The following BRD2 variants were observed in gnomAD, a reference collection of about 807,000 sequenced individuals.
BRD2 encodes bromodomain-containing protein 2.
A neutral mutation model predicts 79.1 loss-of-function variants in BRD2; 15 were observed. That is an observed-to-expected ratio of 0.19 (90% CI 0.13 to 0.29). The LOEUF is 0.29. BRD2 is among the 10% of genes least tolerant of loss of function. The pLI is 1.00. For synonymous variants in BRD2, 488 were observed against 358.6 expected, an observed-to-expected ratio of 1.36 and a Z score of -4.08; for missense variants, 1,053 against 991.3, an observed-to-expected ratio of 1.06 and a Z score of -0.84.
chr6:32,980,594 C>G lies in BRD2; in HGVS notation c.2282C>G (p.Thr761Arg). 6.2e-6 allele frequency: 10 copies of G among 1,613,144 alleles called. 1 individual carries two copies. Among genetic ancestry groups the G allele is most frequent in the South Asian group, 2.2e-5 (2 of 91,084 alleles). The change falls in exon 13 of 13, where the codon ACA becomes AGA. Residue 761 changes from threonine to arginine, a missense_variant. Thr to Arg is a moderately conservative substitution (Grantham distance 71). Transcript: ENST00000374825. The part of the protein sequence containing the change: ...KKPPKKANEK[T>R]ESSSAQQVAV... ...ATTTGTTCTGCAGCGAATGAGAAAA[C>G]AGAGTCATCCTCTGCACAGCAAGTA...
chr6:32,976,402 C>G lies in BRD2; in HGVS notation c.763C>G (p.His255Asp). 6.2e-7 allele frequency: 1 copy of G among 1,612,806 alleles called. No homozygotes were observed. Among genetic ancestry groups the G allele is most frequent in the Non-Finnish European group, 8.5e-7 (1 of 1,180,034 alleles). The change falls in exon 6 of 13, where the codon CAC (histidine) becomes GAC (aspartate). Residue 255 changes from histidine (H) to aspartate (D), a missense_variant. His to Asp is a moderately conservative substitution (Grantham distance 81). Around this residue, in one of 5 missense-constraint regions of BRD2, gnomAD observed 413 missense variants for 335.1 expected, o/e 1.23. Transcript: ENST00000374825. ...VISSPLLKSLHSAGPPLLAVT... is the reference protein window; with the variant it reads ...VISSPLLKSLDSAGPPLLAVT... ...TTCCTCTCCACTTCTCAAGTCCTTG[C>G]ACTCTGCTGGACCCCCGCTCCTTGC...
At chr6:32,974,830 T>G in intron 3 of BRD2, 65 bp downstream of exon 3, 1 of 1,563,540 alleles carries the variant, frequency 6.4e-7, no homozygotes, top group Non-Finnish European at 8.7e-7. Context: ...ATGGGGGTGG[T>G]CTGCCTAGTG....
At chr6:32,974,123 T>C (rs946793785) in intron 2 of BRD2, among the ~76,000 whole-genome samples, 25 of 152,174 alleles carry the variant, frequency 1.6e-4, no homozygotes, top group Admixed American at 1.5e-3. Context: ...ACTCCACCCA[T>C]TTTGCTTAAG....
chr6:32,973,674 C>T (rs1778334471), intron 2 of BRD2, among the ~76,000 whole-genome samples: 1 of 152,034 alleles, frequency 6.6e-6, no homozygotes, highest in South Asian at 2.1e-4. Context: ...GGAGTTGGTG[C>T]TACAGGGGGA....
chr6:32,979,266 CG>C (rs922995935), intron 10 of BRD2: 13 of 155,678 alleles, frequency 8.4e-5, no homozygotes, highest in African/African-American at 3.1e-4. Context: ...TTAGTGGAGA[CG>C]GGGTTTCGCC....
At chr6:32,979,746 A>G (rs1779285679) in intron 10 of BRD2, 82 bp from the exon 11 acceptor site, 2 of 1,474,976 alleles carry the variant, frequency 1.4e-6, no homozygotes, top group African/African-American at 1.4e-5. Flanking sequence ...GGCAGGAAAT[A>G]GGATCACTGA....
rs201319601 is a variant in BRD2, at chr6:32,972,921, A to T, written c.23A>T (p.His8Leu). The T allele has an allele frequency of 1.9e-6, 3 of 1,613,970 alleles. No individual in the cohort carries two copies. In the Admixed American group the frequency reaches 5.0e-5, roughly 27 times the overall value. ...AAGATGCTGCAAAACGTGACTCCCCACAATAAGTACGTTTCCGCGAGCCGC... is the reference window on the plus strand; with the variant it reads ...AAGATGCTGCAAAACGTGACTCCCCTCAATAAGTACGTTTCCGCGAGCCGC... MLQNVTP[H>L]NKLPGEGNAG... Residue 8 changes from histidine (H) to leucine (L), a missense_variant, in exon 2 of 13, where the codon CAC (histidine) becomes CTC (leucine). Around this residue, in one of 5 missense-constraint regions of BRD2, gnomAD observed 413 missense variants for 335.1 expected, o/e 1.23. Coordinates refer to ENST00000374825, the MANE Select transcript of BRD2 (RefSeq NM_005104.4).
chr6:32,976,472 C>G lies in BRD2; in HGVS notation c.825+8C>G. On this transcript the variant is annotated splice_region_variant and intron_variant, in intron 6 of 12. Coordinates refer to ENST00000374825, the MANE Select transcript of BRD2 (RefSeq NM_005104.4). Reference sequence around the variant, plus strand: ...GCCCAGCCCCTTGCCAAGGTATGATCTGTGGATTTCCTCTGGGCAGCAGGG... The same window carrying G: ...GCCCAGCCCCTTGCCAAGGTATGATGTGTGGATTTCCTCTGGGCAGCAGGG... 1 of 1,607,410 alleles carries G rather than the reference C, an allele frequency of 6.2e-7. No individual in the cohort carries two copies.
rs1778119564 is a variant in BRD2 at position 32,972,328 on chromosome 6, C to T, written c.-571C>T. On this transcript the variant is annotated 5_prime_UTR_variant, in exon 2 of 13. Transcript: ENST00000374825. ...ATCCGCTTGGAAATGGCCTTCGTCC[C>T]GGCCTATGACTGGTCCCAGCGGGCA... 1.1e-5 allele frequency: 4 copies of T among 377,546 alleles called. No individual in the cohort carries two copies. Among genetic ancestry groups the T allele is most frequent in the South Asian group, 6.6e-5 (3 of 45,798 alleles). 23.4% of individuals were successfully genotyped at this position (377,546 alleles called of 1,614,324 possible). A position where few individuals can be genotyped will look rare whatever the true frequency, so the allele number is the denominator to read the frequency against.
chr6:32,977,312 C>G, intron 7 of BRD2, 130 bp from the exon 8 acceptor site: 1 of 1,601,708 alleles, frequency 6.2e-7, no homozygotes, highest in Non-Finnish European at 8.5e-7. Context: ...AACTTGAACC[C>G]CAGGGCACAG....
In BRD2 at chr6:32,981,367, ATTGTC is replaced by A. The variant is rs1262925791; in HGVS notation, c.*653_*657del. 6.6e-6 allele frequency: 1 copy of A among 152,210 alleles called. No individual in the cohort carries two copies. The highest frequency in any genetic ancestry group is 2.4e-5 in the African/African-American group (1 of 41,448). The allele number at this position is 152,210 out of a possible 1,614,324, so 9.4% of individuals were successfully genotyped here. On this transcript the variant is annotated 3_prime_UTR_variant, in exon 13 of 13. Coordinates refer to ENST00000374825, the MANE Select transcript of BRD2 (RefSeq NM_005104.4). ...GTGTTTCAAAAGGAACATCATAAGA[ATTGTC>A]TTGATAATTTTGAGGGAAATATTAC...
Position 32,975,940 on chromosome 6 carries a change from C to T in BRD2, c.472-91C>T, listed in dbSNP as rs1397639605. On this transcript the variant is annotated intron_variant, in intron 4 of 12. Coordinates refer to ENST00000374825, the MANE Select transcript of BRD2 (RefSeq NM_005104.4). ...TGACTGGTGGGGGTATGGTAATGGC[C>T]TAGGGCCTGAATGCCTCTGAGAAAG... is the stretch of plus-strand genomic sequence containing the variant. The T allele has an allele frequency of 1.4e-5, 20 of 1,432,464 alleles. No homozygotes were observed. The Middle Eastern group carries it at 5.5e-4, about 39-fold the overall frequency. The allele number at this position is 1,432,464 out of a possible 1,614,324, so 88.7% of individuals were successfully genotyped here.
intron 10 of BRD2, chr6:32,979,608 A>C: frequency 3.5e-6 from 2 of 575,914 alleles, no homozygotes; most frequent in Non-Finnish European, 6.1e-6. Flanking sequence ...GTATGTACGT[A>C]CATTGTCTTT....
chr6:32,975,409 C>T lies in BRD2; in HGVS notation c.359C>T (p.Pro120Leu). The change falls in exon 4 of 13, where the codon CCT becomes CTT. Residue 120 changes from proline to leucine, a missense_variant. By Grantham distance (98) the Pro-to-Leu change is moderately conservative. Coordinates refer to ENST00000374825, the MANE Select transcript of BRD2 (RefSeq NM_005104.4). The stretch of plus-strand genomic sequence containing the variant: ...GATTATCACAAAATTATAAAACAGC[C>T]TATGGACATGGGTACTATTAAGAGG... ...LPDYHKIIKQ[P>L]MDMGTIKRRL... is the part of the protein sequence containing the mutation. The T allele has an allele frequency of 1.2e-6, 2 of 1,608,172 alleles. No homozygotes were observed. Among genetic ancestry groups the T allele is most frequent in the Non-Finnish European group, 8.5e-7 (1 of 1,176,162 alleles).
At chr6:32,971,168 C>T in intron 1 of BRD2, 1 of 158,464 alleles carries the variant, frequency 6.3e-6, no homozygotes, top group Non-Finnish European at 1.4e-5. Context: ...CTGCTCTGAG[C>T]CGGACGCCGG....
Position 32,980,771 on chromosome 6 carries a change from A to AC in BRD2, c.*56dup, listed in dbSNP as rs1200907094. 20 of 1,592,192 alleles carry AC rather than the reference A, an allele frequency of 1.3e-5. No individual in the cohort carries two copies. The highest frequency in any genetic ancestry group is 1.6e-5 in the Non-Finnish European group (19 of 1,166,484). On this transcript the variant is annotated 3_prime_UTR_variant, in exon 13 of 13. Transcript: ENST00000374825. ...CTCCGCAGGACCGGACCCCTAGACC[A>AC]CCCTGCCCCACCTGCCCCTTCCCCC...
At position 32,972,116 on chromosome 6, in the gene BRD2, AGC is replaced by A. The variant is rs1369740611; in HGVS notation, c.-782_-781del. On this transcript the variant is annotated 5_prime_UTR_variant, in exon 2 of 13. The change abolishes the stop of an existing upstream ORF in the 5' untranslated region. Transcript: ENST00000374825. ...CGCGCGCGCGGAGGGGGTGGGGAAA[AGC>A]TCAAGCAGGGTGGCGCGCATGAGCG... The A allele has an allele frequency of 1.2e-5, 8 of 686,034 alleles. No homozygotes were observed. The highest frequency in any genetic ancestry group is 1.6e-5 in the Non-Finnish European group (6 of 375,896). The allele number at this position is 686,034 out of a possible 1,614,324, so 42.5% of individuals were successfully genotyped here.
At position 32,979,995 on chromosome 6, in the gene BRD2, A is replaced by G; in HGVS notation, c.2009A>G (p.Gln670Arg). 1.2e-6 allele frequency: 2 copies of G among 1,613,134 alleles called. No homozygotes were observed. The change falls in exon 11 of 13, where the codon CAA (glutamine) becomes CGA (arginine). Residue 670 changes from glutamine to arginine, a missense_variant. Transcript: ENST00000374825. ...EKLGRVVHIIQAREPSLRDSN... is the reference protein window; with the variant it reads ...EKLGRVVHIIRAREPSLRDSN... ...CTGGGCCGAGTTGTGCATATAATCC[A>G]AGCCAGGGAGCCCTCTTTACGTGAT...
chr6:32,972,891 C>A lies in BRD2; in HGVS notation c.-8C>A. 1.2e-6 allele frequency: 2 copies of A among 1,614,006 alleles called. No homozygotes were observed. Among genetic ancestry groups the A allele is most frequent in the African/African-American group, 1.3e-5 (1 of 75,034 alleles). ...GGCTGAGGGCAGCGCCGGTTCCTTGCGGTCAAGATGCTGCAAAACGTGACT... is the reference window on the plus strand; with the variant it reads ...GGCTGAGGGCAGCGCCGGTTCCTTGAGGTCAAGATGCTGCAAAACGTGACT... On this transcript the variant is annotated 5_prime_UTR_variant, in exon 2 of 13. Transcript: ENST00000374825.
Sources: gnomAD v4.1 joint callset for allele counts (sites outside exome capture counted in the v4.1 genomes callset) on GRCh38, gnomAD v4.1.1 for gene constraint, gnomAD v4.1.1 regional missense constraint, MANE v1.5 for transcripts, NCBI Gene and HGNC (gene_info 2026-07-23, HGNC 2026-07-21) for gene names.